The following TAFA4 variants were observed in gnomAD, a reference collection of about 807,000 sequenced individuals.
The protein encoded by TAFA4 is chemokine-like protein TAFA-4.
TAFA4 carries 20 observed loss-of-function variants against 21.1 expected under a neutral mutation model. That is an observed-to-expected ratio of 0.95 (90% CI 0.67 to 1.38). The LOEUF (loss-of-function observed/expected upper bound fraction) is 1.38. Among genes scored for constraint, TAFA4 ranks in the 40% most tolerant of loss-of-function variants. The pLI, the probability that TAFA4 is intolerant of heterozygous loss-of-function variation, is 0.00. For missense variants in TAFA4, 211 were observed against 180.9 expected, an observed-to-expected ratio of 1.17 and a Z score of -0.95; for synonymous variants, 71 against 67.4, an observed-to-expected ratio of 1.05 and a Z score of -0.26.
Position 68,742,720 on chromosome 3 carries a change from A to AT in TAFA4, c.287-3522dup, listed in dbSNP as rs1221493626. ...CACTTGTTCCCCAAAACCTTTTGAA[A>AT]TAAAAAATATTTTTAAAAACATTAT... is the stretch of plus-strand genomic sequence containing the variant. On this transcript the variant is annotated intron_variant, in intron 4 of 5. Transcript: ENST00000295569. Among the ~76,000 whole-genome samples, 10 of 152,320 alleles carry AT rather than the reference A, an allele frequency of 6.6e-5. No homozygotes were observed. The South Asian group carries it at 2.1e-3, about 32-fold the overall frequency.
chr3:68,856,774 T>C (rs2106917060), intron 3 of TAFA4, among the ~76,000 whole-genome samples: 1 of 152,228 alleles, frequency 6.6e-6, no homozygotes, highest in East Asian at 1.9e-4. Flanking sequence ...CTCAGGGACA[T>C]GCAGGTAGGA....
intron 3 of TAFA4, among the ~76,000 whole-genome samples, chr3:68,760,892 T>C (rs528682150): frequency 6.6e-6 from 1 of 152,186 alleles, no homozygotes; most frequent in African/African-American, 2.4e-5. Flanking sequence ...AAGACAAATA[T>C]CCACTGAGGC....
intron 1 of TAFA4, among the ~76,000 whole-genome samples, chr3:68,895,071 T>C (rs2089774842): frequency 6.6e-6 from 1 of 152,032 alleles, no homozygotes; most frequent in Non-Finnish European, 1.5e-5. Flanking sequence ...AGGCTCGGCT[T>C]ACTGCAACCT....
intron 3 of TAFA4, among the ~76,000 whole-genome samples, chr3:68,840,162 G>A (rs895548663): frequency 6.6e-6 from 1 of 152,132 alleles, no homozygotes; most frequent in Non-Finnish European, 1.5e-5. Flanking sequence ...GCATTCCCTG[G>A]ACAGAAATCA....
At chr3:68,743,779 TAGTA>T (rs1380636706) in intron 4 of TAFA4, among the ~76,000 whole-genome samples, 1 of 152,076 alleles carries the variant, frequency 6.6e-6, no homozygotes, top group Non-Finnish European at 1.5e-5. Flanking sequence ...CCCTCAGAGT[TAGTA>T]AAGGGGTGGA....
intron 4 of TAFA4, among the ~76,000 whole-genome samples, chr3:68,741,812 ATAAAAACT>A (rs1702360355): frequency 6.6e-6 from 1 of 152,070 alleles, no homozygotes; most frequent in African/African-American, 2.4e-5. Flanking sequence ...AAAAATAAAA[ATAAAAACT>A]CTCCACTTTC....
Position 68,760,617 on chromosome 3 carries a change from G to A in TAFA4, c.131-7599C>T, listed in dbSNP as rs573175958. Among the ~76,000 whole-genome samples, 8 of 152,246 alleles carry A rather than the reference G, an allele frequency of 5.3e-5. No individual in the cohort carries two copies. The East Asian group carries it at 1.5e-3, about 29-fold the overall frequency. On this transcript the variant is annotated intron_variant, in intron 3 of 5. Transcript: ENST00000295569. ...TGATTTGAGTGTGGTTTTCTGTATG[G>A]CATTTTCAGCCTATCTCTCCACGGG... is the stretch of plus-strand genomic sequence containing the variant.
At chr3:68,849,400 C>A (rs959614782) in intron 3 of TAFA4, among the ~76,000 whole-genome samples, 2 of 152,176 alleles carry the variant, frequency 1.3e-5, no homozygotes, top group African/African-American at 2.4e-5. Context: ...CAATTCCTGG[C>A]TCTGGAATGC....
chr3:68,740,269 T>C (rs187388086), intron 4 of TAFA4, among the ~76,000 whole-genome samples: 204 of 152,322 alleles, frequency 1.3e-3, no homozygotes, highest in African/African-American at 4.7e-3. Context: ...TCATCTTTGA[T>C]TGCAGGTTAC....
Position 68,877,671 on chromosome 3 carries a change from G to A in TAFA4, c.130+3059C>T, listed in dbSNP as rs542126649. 2.0e-5 allele frequency among the ~76,000 whole-genome samples: 3 copies of A among 152,252 alleles called. No individual in the cohort carries two copies. The South Asian group carries it at 6.2e-4, about 32-fold the overall frequency. ...GAGCTGAAACCTCAGTCTTCATAGA[G>A]CAACTTTCTTCGCCACAGTCAGCTT... On this transcript the variant is annotated intron_variant, in intron 3 of 5. Transcript: ENST00000295569.
intron 4 of TAFA4, among the ~76,000 whole-genome samples, chr3:68,750,088 AC>A (rs1488691226): frequency 6.6e-6 from 1 of 152,200 alleles, no homozygotes; most frequent in African/African-American, 2.4e-5. Context: ...CATTTAGTTA[AC>A]CTGAGAGTCT....
intron 1 of TAFA4, among the ~76,000 whole-genome samples, chr3:68,908,415 T>A (rs1293767336): frequency 6.6e-6 from 1 of 152,126 alleles, no homozygotes; most frequent in Non-Finnish European, 1.5e-5. Flanking sequence ...CCTATTCACG[T>A]TCTTATCAAC....
intron 3 of TAFA4, among the ~76,000 whole-genome samples, chr3:68,800,848 A>T (rs1703563095): frequency 6.6e-6 from 1 of 152,250 alleles, no homozygotes; most frequent in African/African-American, 2.4e-5. Flanking sequence ...AATCTTTATT[A>T]ACAAGACAGG....
chr3:68,906,495 G>A (rs984275806), intron 1 of TAFA4, among the ~76,000 whole-genome samples: 2 of 152,064 alleles, frequency 1.3e-5, no homozygotes, highest in Non-Finnish European at 1.5e-5. Flanking sequence ...TCTGAGACAG[G>A]GACTCCCTAA....
Position 68,885,297 on chromosome 3 carries a change from G to A in TAFA4, c.-109C>T, listed in dbSNP as rs1011070542. On this transcript the variant is annotated 5_prime_UTR_variant, in exon 2 of 6. The change creates a new upstream start codon in the 5' untranslated region. Coordinates refer to ENST00000295569, the MANE Select transcript of TAFA4 (RefSeq NM_182522.5). ...ATTTCTGCCGTTCCAAAAAATTATC[G>A]TAGCTCAGAAGACCTATGTTAAAAA... The A allele has an allele frequency of 6.1e-5, 60 of 991,352 alleles. No homozygotes were observed. Among genetic ancestry groups the A allele is most frequent in the Admixed American group, 5.0e-5 (2 of 40,166 alleles). The allele number at this position is 991,352 out of a possible 1,614,324, so 61.4% of individuals were successfully genotyped here. A position where few individuals can be genotyped will look rare whatever the true frequency, so the allele number is the denominator to read the frequency against.
intron 3 of TAFA4, among the ~76,000 whole-genome samples, chr3:68,826,572 C>CAA (rs34471537): frequency 4.9e-5 from 5 of 101,720 alleles, no homozygotes; most frequent in African/African-American, 7.6e-5. Context: ...GACTCTGCCT[C>CAA]AAAAAAAAAA....
intron 3 of TAFA4, among the ~76,000 whole-genome samples, chr3:68,818,371 G>C (rs1420749884): frequency 2.6e-5 from 4 of 152,118 alleles, no homozygotes; most frequent in Non-Finnish European, 4.4e-5. Flanking sequence ...CTTCAATAAG[G>C]CTGTTTTGCT....
Position 68,856,811 on chromosome 3 carries a change from G to A in TAFA4, c.130+23919C>T, listed in dbSNP as rs182728166. On this transcript the variant is annotated intron_variant, in intron 3 of 5. Coordinates refer to ENST00000295569, the MANE Select transcript of TAFA4 (RefSeq NM_182522.5). ...CCACAACACAGAAACAAAACCTACCGCTGGAGCAGCACTGTTGTATGGAGG... is the reference window on the plus strand; with the variant it reads ...CCACAACACAGAAACAAAACCTACCACTGGAGCAGCACTGTTGTATGGAGG... Among the ~76,000 whole-genome samples, 76 of 152,188 alleles carry A rather than the reference G, an allele frequency of 5.0e-4. 1 individual carries two copies. Among genetic ancestry groups the A allele is most frequent in the South Asian group, 1.9e-3 (9 of 4,820 alleles).
intron 3 of TAFA4, among the ~76,000 whole-genome samples, chr3:68,830,711 G>A (rs9812717): frequency 0.31 from 46,820 of 151,974 alleles, 7,618 homozygotes; most frequent in Non-Finnish European, 0.37. Context: ...GGTCCACTTC[G>A]TCCAGAGCTG....
Sources: allele counts gnomAD v4.1 joint callset (sites outside exome capture counted in the v4.1 genomes callset), GRCh38; gene constraint gnomAD v4.1.1; transcripts MANE v1.5; gene names NCBI Gene and HGNC (gene_info 2026-07-23, HGNC 2026-07-21).